PSMD14: variants seen among roughly 807,000 people sequenced by gnomAD.
PSMD14 encodes ubiquitin C-terminal hydrolase PSMD14.
PSMD14 carries 7 observed loss-of-function variants against 41.2 expected under a neutral mutation model. That is an observed-to-expected ratio of 0.17 (90% CI 0.10 to 0.32). The LOEUF is 0.32. Among genes scored for constraint, PSMD14 ranks in the 10% least tolerant of loss-of-function variants. The pLI, the probability that PSMD14 is intolerant of heterozygous loss-of-function variation, is 1.00. For synonymous variants in PSMD14, 114 were observed against 122.3 expected (o/e 0.93, Z 0.45); for missense variants, 139 against 375.6 (o/e 0.37, Z 5.21).
chr2:161,347,377 C>G (rs978160685), intron 3 of PSMD14, among the ~76,000 whole-genome samples: 3 of 152,092 alleles, frequency 2.0e-5, no homozygotes, highest in Non-Finnish European at 4.4e-5. Flanking sequence ...TCGAACTACT[C>G]AAGGAATCCT....
rs867528530 is a variant in PSMD14, at chr2:161,375,764, C to T, written c.462+4442C>T. Among the ~76,000 whole-genome samples the T allele has an allele frequency of 7.2e-5, 11 of 151,922 alleles. No individual in the cohort carries two copies. In the South Asian group the frequency reaches 2.3e-3, roughly 32 times the overall value. On this transcript the variant is annotated intron_variant, in intron 7 of 11. Transcript: ENST00000409682. Reference sequence around the variant, plus strand: ...TAGGGAATGTGGCCAGGTACCATGTCTTCACATCTGTAATCCCAGCACTTT... The same window carrying T: ...TAGGGAATGTGGCCAGGTACCATGTTTTCACATCTGTAATCCCAGCACTTT...
rs1205244305 is a variant in PSMD14, at chr2:161,395,103, G to T, written c.671G>T (p.Ser224Ile). Reference protein sequence around the residue: ...QKMLLNLHKKSWMEGLTLQDY... With the variant: ...QKMLLNLHKKIWMEGLTLQDY... ...ATGTTGCTAAATTTGCATAAGAAGA[G>T]TTGGATGGAAGGTTTGACACTTCAG... Residue 224 changes from serine (S) to isoleucine (I), a missense_variant, in exon 10 of 12, where the codon AGT becomes ATT. By Grantham distance (142) the Ser-to-Ile change is moderately radical (BLOSUM62 -2). Around this residue, in one of 4 missense-constraint regions of PSMD14, gnomAD observed 80 missense variants for 138.1 expected, o/e 0.58. Transcript: ENST00000409682. The T allele has an allele frequency of 1.9e-6, 3 of 1,593,648 alleles. No homozygotes were observed. Among genetic ancestry groups the T allele is most frequent in the Non-Finnish European group, 2.6e-6 (3 of 1,171,760 alleles).
chr2:161,339,101 C>T (rs1389454981), intron 3 of PSMD14, among the ~76,000 whole-genome samples: 1 of 152,118 alleles, frequency 6.6e-6, no homozygotes, highest in Non-Finnish European at 1.5e-5. Flanking sequence ...CTGCTGTAAA[C>T]ATTATGTACA....
intron 3 of PSMD14, among the ~76,000 whole-genome samples, chr2:161,348,174 T>C (rs1683070814): frequency 6.6e-6 from 1 of 152,194 alleles, no homozygotes; most frequent in Non-Finnish European, 1.5e-5. Flanking sequence ...CTTCTCCTAA[T>C]TACATTCCCT....
intron 3 of PSMD14, among the ~76,000 whole-genome samples, chr2:161,335,487 G>T (rs1465162211): frequency 2.0e-5 from 3 of 152,246 alleles, no homozygotes; most frequent in African/African-American, 7.2e-5. Flanking sequence ...ATATTGGACA[G>T]TGCAGTGTAC....
chr2:161,370,230 C>T (rs1279099666), intron 6 of PSMD14, 53 bp downstream of exon 6: 2 of 1,301,822 alleles, frequency 1.5e-6, no homozygotes, highest in Non-Finnish European at 2.1e-6. Context: ...TTTATAGAAA[C>T]ATACCTCAAA....
At chr2:161,328,456 C>G (rs1225466803) in intron 3 of PSMD14, among the ~76,000 whole-genome samples, 1 of 151,876 alleles carries the variant, frequency 6.6e-6, no homozygotes, top group East Asian at 1.9e-4. Flanking sequence ...TTATATAACT[C>G]CTGAGTAAAA....
chr2:161,354,022 A>C (rs1683156380), intron 3 of PSMD14, among the ~76,000 whole-genome samples: 1 of 152,188 alleles, frequency 6.6e-6, no homozygotes, highest in African/African-American at 2.4e-5. Context: ...CCATAGCTGA[A>C]CAGTATTTTC....
chr2:161,357,665 A>G (rs1322381788), intron 3 of PSMD14, among the ~76,000 whole-genome samples: 2 of 152,158 alleles, frequency 1.3e-5, no homozygotes, highest in Non-Finnish European at 2.9e-5. Flanking sequence ...TATTCATTTA[A>G]GTTTTAGCAG....
chr2:161,385,659 ATTTTAATTT>A, intron 8 of PSMD14, 88 bp downstream of exon 8: 1 of 628,072 alleles, frequency 1.6e-6, no homozygotes, highest in Non-Finnish European at 2.6e-6. Context: ...AATTCTTAGC[ATTTTAATTT>A]GCTTGCAAAT....
At position 161,411,414 on chromosome 2, in the gene PSMD14, G is replaced by A. The variant is rs763628089; in HGVS notation, c.*14G>A. 10 of 1,551,362 alleles carry A rather than the reference G, an allele frequency of 6.4e-6. No homozygotes were observed. Among genetic ancestry groups the A allele is most frequent in the South Asian group, 2.3e-5 (2 of 87,260 alleles). On this transcript the variant is annotated 3_prime_UTR_variant, in exon 12 of 12. Transcript: ENST00000409682. The stretch of plus-strand genomic sequence containing the variant: ...GTATTTAAATAAAGCAACGAAAAAC[G>A]CTATTAATGATGCCTTCAGTGTATA...
chr2:161,367,975 A>G, intron 5 of PSMD14, 72 bp downstream of exon 5: 3 of 1,473,980 alleles, frequency 2.0e-6, no homozygotes, highest in Non-Finnish European at 2.7e-6. Context: ...ATGCAAACTA[A>G]CTCTCATCAT....
chr2:161,376,656 C>A (rs1274804368), intron 7 of PSMD14, among the ~76,000 whole-genome samples: 1 of 151,872 alleles, frequency 6.6e-6, no homozygotes, highest in African/African-American at 2.4e-5. Context: ...CTTGGGCATG[C>A]TGATGAAAAG....
intron 3 of PSMD14, among the ~76,000 whole-genome samples, chr2:161,360,832 G>A (rs1045315443): frequency 1.3e-5 from 2 of 152,220 alleles, no homozygotes; most frequent in Admixed American, 1.3e-4. Context: ...CACCACGCCT[G>A]GCCTTCGTAT....
intron 3 of PSMD14, among the ~76,000 whole-genome samples, chr2:161,326,191 C>T (rs752109999): frequency 3.3e-5 from 5 of 152,160 alleles, no homozygotes; most frequent in Middle Eastern, 6.8e-3. Context: ...CCACCACGCC[C>T]GGCTAATTTT....
chr2:161,387,697 A>G (rs1683652227), intron 8 of PSMD14, among the ~76,000 whole-genome samples: 1 of 152,056 alleles, frequency 6.6e-6, no homozygotes, highest in Non-Finnish European at 1.5e-5. Flanking sequence ...TATTTATACC[A>G]GGATATTAGC....
At chr2:161,343,796 C>G (rs1683001271) in intron 3 of PSMD14, among the ~76,000 whole-genome samples, 1 of 151,252 alleles carries the variant, frequency 6.6e-6, no homozygotes, top group Non-Finnish European at 1.5e-5. Flanking sequence ...CCACTGCACT[C>G]CAGCCTAGGG....
chr2:161,371,916 C>G (rs1683439652), intron 7 of PSMD14, among the ~76,000 whole-genome samples: 1 of 151,778 alleles, frequency 6.6e-6, no homozygotes, highest in Non-Finnish European at 1.5e-5. Context: ...TGTTGAAACC[C>G]CTTTTGTTCT....
At chr2:161,328,694 AC>A (rs1478049706) in intron 3 of PSMD14, among the ~76,000 whole-genome samples, 1 of 152,102 alleles carries the variant, frequency 6.6e-6, no homozygotes, top group Non-Finnish European at 1.5e-5. Flanking sequence ...TAACTGAATA[AC>A]TGAATTTCTA....
Sources: gnomAD v4.1 joint callset for allele counts (sites outside exome capture counted in the v4.1 genomes callset) on GRCh38, gnomAD v4.1.1 for gene constraint, gnomAD v4.1.1 regional missense constraint, MANE v1.5 for transcripts, NCBI Gene and HGNC (gene_info 2026-07-23, HGNC 2026-07-21) for gene names.